The following RFX4 variants were observed in gnomAD, a reference collection of about 807,000 sequenced individuals.
RFX4 encodes the protein regulatory factor X4, also known as transcription factor RFX4.
Under a neutral mutation model 95.0 loss-of-function variants are expected in RFX4, and 10 were observed. The observed-to-expected ratio is 0.11, with a 90% CI of 0.06 to 0.18. The LOEUF (loss-of-function observed/expected upper bound fraction) is 0.18, where lower values mean the gene tolerates loss of function less well. Ranked by LOEUF, RFX4 falls within the 10% of genes least tolerant of loss-of-function variation. The pLI, the probability that RFX4 is intolerant of heterozygous loss-of-function variation, is 1.00. For missense variants in RFX4, 640 were observed against 922.0 expected, an observed-to-expected ratio of 0.69 and a Z score of 3.96; for synonymous variants, 321 against 340.7, an observed-to-expected ratio of 0.94 and a Z score of 0.64.
chr12:106,675,027 C>T (rs1032414502), intron 4 of RFX4, among the ~76,000 whole-genome samples: 1 of 152,050 alleles, frequency 6.6e-6, no homozygotes, highest in African/African-American at 2.4e-5. Flanking sequence ...ATGGGAGTGG[C>T]GGAGTTGGAG....
At chr12:106,621,728 C>T (rs2040189379) in intron 2 of RFX4, among the ~76,000 whole-genome samples, 1 of 152,172 alleles carries the variant, frequency 6.6e-6, no homozygotes, top group East Asian at 1.9e-4. Context: ...TCTGTCATCC[C>T]CAAACTCTCC....
chr12:106,598,434 G>T (rs549210641), intron 1 of RFX4, among the ~76,000 whole-genome samples: 1 of 151,918 alleles, frequency 6.6e-6, no homozygotes, highest in Non-Finnish European at 1.5e-5. Context: ...GTTCTCTTAC[G>T]TGCACTTATA....
At chr12:106,687,307 A>G (rs1000474994) in intron 6 of RFX4, among the ~76,000 whole-genome samples, 1 of 152,080 alleles carries the variant, frequency 6.6e-6, no homozygotes, top group Non-Finnish European at 1.5e-5. Context: ...TAATTTCAGC[A>G]CTTGGGAGGC....
At chr12:106,642,258 C>T (rs2040649093) in intron 3 of RFX4, among the ~76,000 whole-genome samples, 1 of 150,594 alleles carries the variant, frequency 6.6e-6, no homozygotes, top group Admixed American at 6.6e-5. Flanking sequence ...GATCCACCTT[C>T]CTCAGCCTCT....
intron 3 of RFX4, among the ~76,000 whole-genome samples, chr12:106,640,380 TG>T (rs1487137077): frequency 6.6e-6 from 1 of 152,192 alleles, no homozygotes; most frequent in Non-Finnish European, 1.5e-5. Context: ...TGGGCTTTAA[TG>T]AGCAAATCAT....
intron 1 of RFX4, among the ~76,000 whole-genome samples, chr12:106,596,988 A>G (rs2039629532): frequency 6.6e-6 from 1 of 152,226 alleles, no homozygotes; most frequent in Non-Finnish European, 1.5e-5. Context: ...GATAAATTAC[A>G]AACTTGTTTG....
intron 8 of RFX4, among the ~76,000 whole-genome samples, chr12:106,705,194 T>C (rs562914979): frequency 1.3e-5 from 2 of 152,348 alleles, no homozygotes; most frequent in African/African-American, 4.8e-5. Flanking sequence ...AGAAAGTACA[T>C]GTGAAGTGTT....
intron 4 of RFX4, among the ~76,000 whole-genome samples, chr12:106,658,428 C>G (rs2041004709): frequency 6.6e-6 from 1 of 152,186 alleles, no homozygotes; most frequent in Non-Finnish European, 1.5e-5. Flanking sequence ...TCACATCAGT[C>G]TTGGCTGAAT....
intron 3 of RFX4, among the ~76,000 whole-genome samples, chr12:106,650,625 A>G (rs2040839215): frequency 6.6e-6 from 1 of 152,056 alleles, no homozygotes; most frequent in Non-Finnish European, 1.5e-5. Flanking sequence ...CTACTCAGGA[A>G]ACTGAGGCAG....
At chr12:106,755,947 G>A (rs2043100254) in intron 17 of RFX4, among the ~76,000 whole-genome samples, 1 of 152,154 alleles carries the variant, frequency 6.6e-6, no homozygotes, top group South Asian at 2.1e-4. Flanking sequence ...AGTAATTGTA[G>A]GTTTCCCAGC....
intron 15 of RFX4, among the ~76,000 whole-genome samples, chr12:106,736,627 C>G (rs944641401): frequency 2.6e-5 from 4 of 152,150 alleles, no homozygotes; most frequent in African/African-American, 9.7e-5. Flanking sequence ...AACAGCAAGA[C>G]AGGCTGGGAA....
intron 15 of RFX4, among the ~76,000 whole-genome samples, chr12:106,741,016 T>C (rs1593003723): frequency 1.3e-5 from 2 of 152,120 alleles, no homozygotes; most frequent in Admixed American, 6.5e-5. Flanking sequence ...GGAGAGGAAG[T>C]TGCAGAGATA....
At chr12:106,622,923 A>T (rs2040213793) in intron 2 of RFX4, among the ~76,000 whole-genome samples, 2 of 150,120 alleles carry the variant, frequency 1.3e-5, no homozygotes, top group Non-Finnish European at 3.0e-5. Context: ...CCCTGCCCAA[A>T]TTGCATTTTT....
At chr12:106,638,031 T>G (rs1210865463) in intron 2 of RFX4, among the ~76,000 whole-genome samples, 1 of 151,078 alleles carries the variant, frequency 6.6e-6, no homozygotes, top group Non-Finnish European at 1.5e-5. Context: ...TTTTTTTTTT[T>G]GAATCTTGCT....
At chr12:106,755,150 G>A (rs1211302077) in intron 17 of RFX4, among the ~76,000 whole-genome samples, 1 of 152,240 alleles carries the variant, frequency 6.6e-6, no homozygotes, top group Non-Finnish European at 1.5e-5. Context: ...AGGCTGGAGT[G>A]CAGCTGCGCA....
At chr12:106,642,329 T>G (rs144101224) in intron 3 of RFX4, among the ~76,000 whole-genome samples, 343 of 151,526 alleles carry the variant, frequency 2.3e-3, no homozygotes, top group African/African-American at 7.9e-3. Context: ...ATTAAACTAA[T>G]GACACTCAGG....
chr12:106,639,350 A>G lies in RFX4; in HGVS notation c.149A>G (p.Asn50Ser), dbSNP rs373189093. 22 of 1,613,768 alleles carry G rather than the reference A, an allele frequency of 1.4e-5. No homozygotes were observed. The African/African-American group carries it at 2.7e-4, about 20-fold the overall frequency. ...TTAACAGATGAGGAAAAAGAAAATA[A>G]TAGAGCATCCAAGCCCCACTCCACT... ...SNDENEEKEN[N>S]RASKPHSTPA... Residue 50 changes from asparagine (N) to serine (S), a missense_variant, in exon 3 of 18, where the codon AAT becomes AGT. Coordinates refer to ENST00000392842, the MANE Select transcript of RFX4 (RefSeq NM_213594.3).
At chr12:106,680,851 A>G (rs1182142603) in intron 4 of RFX4, 1 of 152,242 alleles carries the variant, frequency 6.6e-6, no homozygotes, top group East Asian at 1.9e-4. Context: ...ATTTCACAAT[A>G]ACTCTAGAGG....
At chr12:106,680,632 T>A (rs10778500) in intron 4 of RFX4, 53,494 of 151,996 alleles carry the variant, frequency 0.35, 9,498 homozygotes, top group South Asian at 0.38. Flanking sequence ...CAGCAACAGC[T>A]TCTTTTCTCA....
Sources: gnomAD v4.1 joint callset for allele counts (sites outside exome capture counted in the v4.1 genomes callset) on GRCh38, gnomAD v4.1.1 for gene constraint, MANE v1.5 for transcripts, NCBI Gene and HGNC (gene_info 2026-07-23, HGNC 2026-07-21) for gene names.